The following CENPP variants were observed in gnomAD, a reference collection of about 807,000 sequenced individuals.
The protein encoded by CENPP is centromere protein P.
In CENPP, 24 loss-of-function variants were observed where a neutral mutation model predicts 35.6. The observed-to-expected ratio is 0.67, with a 90% confidence interval of 0.49 to 0.95. The LOEUF is 0.95. Ranked by LOEUF, CENPP falls within the 40% of genes least tolerant of loss-of-function variation. CENPP has a pLI of 0.00. For missense variants in CENPP, 332 were observed against 345.3 expected, an observed-to-expected ratio of 0.96 and a Z score of 0.31; for synonymous variants, 120 against 125.5, an observed-to-expected ratio of 0.96 and a Z score of 0.29.
At chr9:92,399,641 C>A (rs1271701557) in intron 5 of CENPP, among the ~76,000 whole-genome samples, 4 of 152,258 alleles carry the variant, frequency 2.6e-5, no homozygotes, top group Admixed American at 2.6e-4. Flanking sequence ...TGTACGATTT[C>A]ATTTTATACA....
At chr9:92,436,277 A>G (rs543578671) in intron 5 of CENPP, among the ~76,000 whole-genome samples, 1 of 152,274 alleles carries the variant, frequency 6.6e-6, no homozygotes, top group African/African-American at 2.4e-5. Flanking sequence ...CTTGAGTTTT[A>G]TCAGTTCTAG....
At position 92,413,555 on chromosome 9, in the gene CENPP, G is replaced by A. The variant is rs116752208; in HGVS notation, c.564+33696G>A. Reference sequence around the variant, plus strand: ...CTAAAACACCTATAGTATTTTCCACGTATTAACTCTTAATGTTTGAATTTA... The same window carrying A: ...CTAAAACACCTATAGTATTTTCCACATATTAACTCTTAATGTTTGAATTTA... On this transcript the variant is annotated intron_variant, in intron 5 of 7. Coordinates refer to ENST00000375587, the MANE Select transcript of CENPP (RefSeq NM_001012267.3). 4.6e-3 allele frequency among the ~76,000 whole-genome samples: 695 copies of A among 152,096 alleles called. 12 individuals are homozygous for A. The highest frequency in any genetic ancestry group is 0.016 in the African/African-American group (662 of 41,478).
intron 5 of CENPP, among the ~76,000 whole-genome samples, chr9:92,562,202 CT>C (rs373787447): frequency 5.2e-5 from 7 of 133,448 alleles, no homozygotes; most frequent in East Asian, 2.6e-4. Context: ...TCTTTTTTTT[CT>C]TTTCTTTTTT....
intron 2 of CENPP, among the ~76,000 whole-genome samples, chr9:92,337,300 A>G (rs374215147): frequency 3.8e-4 from 58 of 152,318 alleles, no homozygotes; most frequent in African/African-American, 1.4e-3. Context: ...CTTGGGCAAC[A>G]AGAGCGAAAC....
In CENPP at chr9:92,615,758, A is replaced by G. The variant is rs535773552; in HGVS notation, c.*2609A>G. On this transcript the variant is annotated 3_prime_UTR_variant, in exon 8 of 8. Transcript: ENST00000375587. Reference sequence around the variant, plus strand: ...AAACATTCACAACCAAAGGTCACCCAACACAACAGAAAATATCTCTATCAT... The same window carrying G: ...AAACATTCACAACCAAAGGTCACCCGACACAACAGAAAATATCTCTATCAT... 1,017 of 1,275,000 alleles carry G rather than the reference A, an allele frequency of 8.0e-4. 7 individuals are homozygous for G. The highest frequency in any genetic ancestry group is 1.3e-3 in the Middle Eastern group (5 of 3,940). The allele number at this position is 1,275,000 out of a possible 1,614,324, so 79.0% of individuals were successfully genotyped here. A position where few individuals can be genotyped will look rare whatever the true frequency, so the allele number is the denominator to read the frequency against.
chr9:92,378,142 A>C (rs894445580), intron 4 of CENPP, among the ~76,000 whole-genome samples: 3 of 152,210 alleles, frequency 2.0e-5, no homozygotes, highest in Non-Finnish European at 4.4e-5. Flanking sequence ...TTCCAATAGC[A>C]GTACCCGATT....
chr9:92,385,849 T>C lies in CENPP; in HGVS notation c.564+5990T>C, dbSNP rs1842397765. The stretch of plus-strand genomic sequence containing the variant: ...TCTGAAATCAACCTTTCATATGCTA[T>C]ATAATGGGTAAAGGAAACCTAAGTC... On this transcript the variant is annotated intron_variant, in intron 5 of 7. Coordinates refer to ENST00000375587, the MANE Select transcript of CENPP (RefSeq NM_001012267.3). The C allele has an allele frequency of 1.1e-5, 17 of 1,551,524 alleles. No individual in the cohort carries two copies. The South Asian group carries it at 1.2e-4, about 11-fold the overall frequency.
chr9:92,548,381 G>T (rs1849517858), intron 5 of CENPP, among the ~76,000 whole-genome samples: 1 of 152,160 alleles, frequency 6.6e-6, no homozygotes, highest in Admixed American at 6.6e-5. Context: ...TCAGCAAAGG[G>T]AACAAAAGGA....
intron 5 of CENPP, among the ~76,000 whole-genome samples, chr9:92,568,732 C>A (rs1241211431): frequency 6.6e-6 from 1 of 152,206 alleles, no homozygotes; most frequent in Admixed American, 6.5e-5. Flanking sequence ...TTCTCCACAT[C>A]CTCTCCAGCA....
In CENPP at chr9:92,400,213, C is replaced by T. The variant is rs140223552; in HGVS notation, c.564+20354C>T. On this transcript the variant is annotated intron_variant, in intron 5 of 7. Coordinates refer to ENST00000375587, the MANE Select transcript of CENPP (RefSeq NM_001012267.3). Reference sequence around the variant, plus strand: ...CCGCCTAGGCTGGAGTACAATGGCACGACCTCGGCTCACCGCAACCTCCAC... The same window carrying T: ...CCGCCTAGGCTGGAGTACAATGGCATGACCTCGGCTCACCGCAACCTCCAC... Among the ~76,000 whole-genome samples the T allele has an allele frequency of 3.9e-3, 597 of 152,226 alleles. 2 individuals are homozygous for T. Among genetic ancestry groups the T allele is most frequent in the African/African-American group, 0.013 (550 of 41,528 alleles).
chr9:92,400,855 G>A (rs956183752), intron 5 of CENPP, among the ~76,000 whole-genome samples: 1 of 152,206 alleles, frequency 6.6e-6, no homozygotes, highest in Non-Finnish European at 1.5e-5. Flanking sequence ...ACCACACTTT[G>A]TGGAGGCTAA....
intron 5 of CENPP, among the ~76,000 whole-genome samples, chr9:92,412,398 A>G (rs1843470144): frequency 6.6e-6 from 1 of 152,286 alleles, no homozygotes; most frequent in East Asian, 1.9e-4. Context: ...AAAGTATACA[A>G]TTTAATAGTA....
intron 5 of CENPP, among the ~76,000 whole-genome samples, chr9:92,453,175 C>A (rs1244030312): frequency 6.6e-6 from 1 of 151,200 alleles, no homozygotes; most frequent in African/African-American, 2.4e-5. Context: ...TTTTCTAGTT[C>A]TTTTAATTGT....
At chr9:92,481,481 C>T (rs1845909854) in intron 5 of CENPP, among the ~76,000 whole-genome samples, 1 of 152,136 alleles carries the variant, frequency 6.6e-6, no homozygotes, top group Admixed American at 6.5e-5. Context: ...CTGGGTGCCA[C>T]ACCTCTGAAT....
intron 5 of CENPP, among the ~76,000 whole-genome samples, chr9:92,402,676 A>G (rs1444810657): frequency 6.6e-6 from 1 of 152,228 alleles, no homozygotes; most frequent in Non-Finnish European, 1.5e-5. Context: ...TAGAGGGTCT[A>G]AACTGTTAAA....
At chr9:92,572,187 T>C (rs1850160518) in intron 5 of CENPP, among the ~76,000 whole-genome samples, 1 of 152,190 alleles carries the variant, frequency 6.6e-6, no homozygotes, top group South Asian at 2.1e-4. Context: ...CTAGCATTGA[T>C]GGTCTTTACA....
intron 5 of CENPP, among the ~76,000 whole-genome samples, chr9:92,503,048 T>C (rs1846786850): frequency 6.6e-6 from 1 of 152,056 alleles, no homozygotes; most frequent in African/African-American, 2.4e-5. Context: ...GCTCAAGTGA[T>C]CTACCCGCCT....
In CENPP at chr9:92,568,882, T is replaced by G. The variant is rs536554777; in HGVS notation, c.565-42432T>G. Among the ~76,000 whole-genome samples the G allele has an allele frequency of 2.0e-5, 3 of 152,316 alleles. No homozygotes were observed. In the South Asian group the frequency reaches 6.2e-4, roughly 32 times the overall value. ...GTGTCTGTTGGCTGCATAAATGTCT[T>G]CTTTTGAGAAGTGTCTGTTCATGTC... On this transcript the variant is annotated intron_variant, in intron 5 of 7. Transcript: ENST00000375587.
intron 5 of CENPP, among the ~76,000 whole-genome samples, chr9:92,477,447 T>C (rs931211097): frequency 2.4e-4 from 36 of 152,350 alleles, no homozygotes; most frequent in African/African-American, 8.7e-4. Flanking sequence ...TAAATCAAAG[T>C]TGGCCCCTGA....
Sources: gnomAD v4.1 joint callset for allele counts (sites outside exome capture counted in the v4.1 genomes callset) on GRCh38, gnomAD v4.1.1 for gene constraint, MANE v1.5 for transcripts, NCBI Gene and HGNC (gene_info 2026-07-23, HGNC 2026-07-21) for gene names.